Variants in CTDP1 observed in about 807,000 individuals in gnomAD.
CTDP1 encodes RNA polymerase II subunit A C-terminal domain phosphatase.
A neutral mutation model predicts 91.8 loss-of-function variants in CTDP1; 47 were observed. The ratio of observed to expected loss-of-function variants is 0.51; its 90% CI spans 0.41 to 0.65. The LOEUF (loss-of-function observed/expected upper bound fraction) is 0.65. Among genes scored for constraint, CTDP1 ranks in the 30% least tolerant of loss-of-function variants. The pLI, the probability that CTDP1 is intolerant of heterozygous loss-of-function variation, is 0.00. For missense variants in CTDP1, 1,272 were observed against 1,373.7 expected (o/e 0.93, Z 1.17); for synonymous variants, 656 against 598.5 (o/e 1.10, Z -1.40).
Position 79,723,947 on chromosome 18 carries a change from C to T in CTDP1, c.2418-4960C>T, listed in dbSNP as rs9963484. Among the ~76,000 whole-genome samples, 1,043 of 152,346 alleles carry T rather than the reference C, an allele frequency of 6.8e-3. 10 individuals are homozygous for T. Among genetic ancestry groups the T allele is most frequent in the African/African-American group, 0.022 (920 of 41,574 alleles). On this transcript the variant is annotated intron_variant, in intron 10 of 12. Coordinates refer to ENST00000613122, the MANE Select transcript of CTDP1 (RefSeq NM_004715.5). Reference sequence around the variant, plus strand: ...TCATTCATGTCCTTCTCTTGCGGAGCCGGGTCTCATGGTGTGTGGTGGAGC... The same window carrying T: ...TCATTCATGTCCTTCTCTTGCGGAGTCGGGTCTCATGGTGTGTGGTGGAGC...
At position 79,680,015 on chromosome 18, in the gene CTDP1, G is replaced by C; in HGVS notation, c.68G>C (p.Arg23Pro). Residue 23 changes from arginine to proline, a missense_variant, in exon 1 of 13, where the codon CGC becomes CCC. Arg to Pro is a moderately radical substitution (Grantham distance 103, BLOSUM62 -2). Transcript: ENST00000613122. Reference sequence around the variant, plus strand: ...CCGACGGCGGCTGTGGCCGAGGTGCGCTGCCCGGGGCCCGCGCCGCTGCGC... The same window carrying C: ...CCGACGGCGGCTGTGGCCGAGGTGCCCTGCCCGGGGCCCGCGCCGCTGCGC... ...GAPTAAVAEV[R>P]CPGPAPLRLL... is the part of the protein sequence containing the mutation. 1 of 1,284,706 alleles carries C rather than the reference G, an allele frequency of 7.8e-7. No homozygotes were observed. The highest frequency in any genetic ancestry group is 9.8e-7 in the Non-Finnish European group (1 of 1,019,296). 79.6% of individuals were successfully genotyped at this position (1,284,706 alleles called of 1,614,324 possible).
chr18:79,681,488 G>A (rs370036922), intron 1 of CTDP1: 5 of 985,316 alleles, frequency 5.1e-6, no homozygotes, highest in East Asian at 1.1e-4. Context: ...TCCTCTGATT[G>A]TACAGAAAGG....
At chr18:79,739,529 CA>C (rs2086733009) in intron 12 of CTDP1, among the ~76,000 whole-genome samples, 1 of 152,146 alleles carries the variant, frequency 6.6e-6, no homozygotes, top group Non-Finnish European at 1.5e-5. Context: ...ACCACACGAG[CA>C]TGATTAGAAA....
chr18:79,708,449 C>T (rs1326258653), intron 5 of CTDP1, among the ~76,000 whole-genome samples: 1 of 152,220 alleles, frequency 6.6e-6, no homozygotes, highest in African/African-American at 2.4e-5. Flanking sequence ...GGAGTGCAGT[C>T]AGGGCACGTT....
intron 7 of CTDP1, 130 bp from the exon 8 acceptor site, chr18:79,714,361 A>G: frequency 1.9e-6 from 2 of 1,034,396 alleles, no homozygotes; most frequent in Non-Finnish European, 1.5e-6. Flanking sequence ...CTTCACAGCA[A>G]GGTTGCCAAG....
At chr18:79,733,098 G>C (rs2086597629) in intron 11 of CTDP1, among the ~76,000 whole-genome samples, 1 of 152,242 alleles carries the variant, frequency 6.6e-6, no homozygotes, top group African/African-American at 2.4e-5. Flanking sequence ...ATAGCACTCA[G>C]TCCTCGTGCT....
intron 12 of CTDP1, among the ~76,000 whole-genome samples, chr18:79,747,048 A>G (rs1319445320): frequency 6.6e-6 from 1 of 152,238 alleles, no homozygotes; most frequent in Non-Finnish European, 1.5e-5. Context: ...GAATTTGGGT[A>G]CAAAGCTGCT....
In CTDP1 at chr18:79,718,021, G is replaced by A. The variant is rs778778837; in HGVS notation, c.2417+5G>A. 8.1e-6 allele frequency: 13 copies of A among 1,612,652 alleles called. No homozygotes were observed. Among genetic ancestry groups the A allele is most frequent in the East Asian group, 2.2e-5 (1 of 44,870 alleles). On this transcript the variant is annotated splice_donor_5th_base_variant and intron_variant, in intron 10 of 12. Transcript: ENST00000613122. ...CCAGGAGCCCTCTTCCTTCAGGTACGTGGCGGCCCAGCCACTGTCCCCAGC... is the reference window on the plus strand; with the variant it reads ...CCAGGAGCCCTCTTCCTTCAGGTACATGGCGGCCCAGCCACTGTCCCCAGC...
intron 1 of CTDP1, among the ~76,000 whole-genome samples, chr18:79,681,857 G>C (rs2085376181): frequency 6.6e-6 from 1 of 152,182 alleles, no homozygotes; most frequent in African/African-American, 2.4e-5. Flanking sequence ...GGTGCTGCCT[G>C]GAATTTGAGG....
At chr18:79,729,697 A>G (rs184050112) in intron 11 of CTDP1, among the ~76,000 whole-genome samples, 54 of 152,248 alleles carry the variant, frequency 3.5e-4, no homozygotes, top group Non-Finnish European at 6.0e-4. Flanking sequence ...CCGCCCCCTG[A>G]TAGAAGGTTC....
chr18:79,727,255 GAACAAC>G (rs891142556), intron 10 of CTDP1, among the ~76,000 whole-genome samples: 7 of 152,240 alleles, frequency 4.6e-5, no homozygotes, highest in African/African-American at 1.4e-4. Context: ...TTGGCCCTTT[GAACAAC>G]ACTGCTTTGG....
rs1367218174 is a variant in CTDP1, at chr18:79,697,991, G to A, written c.621+3G>A. The stretch of plus-strand genomic sequence containing the variant: ...ACTGTCAGCAGATGTCGAATAAAGT[G>A]AGTGCAGTCAGCATCTACGGACAGT... On this transcript the variant is annotated splice_donor_region_variant and intron_variant, in intron 4 of 12. Coordinates refer to ENST00000613122, the MANE Select transcript of CTDP1 (RefSeq NM_004715.5). 1.2e-6 allele frequency: 2 copies of A among 1,614,110 alleles called. No homozygotes were observed. Among genetic ancestry groups the A allele is most frequent in the Non-Finnish European group, 1.7e-6 (2 of 1,180,048 alleles).
At chr18:79,736,804 C>T (rs372383533) in intron 12 of CTDP1, among the ~76,000 whole-genome samples, 41 of 150,150 alleles carry the variant, frequency 2.7e-4, no homozygotes, top group East Asian at 2.4e-3. Context: ...CGTGCACAGG[C>T]GTGTGGTGGG....
chr18:79,698,137 G>A (rs914029516), intron 4 of CTDP1, 149 bp downstream of exon 4: 44 of 1,205,426 alleles, frequency 3.7e-5, no homozygotes, highest in Middle Eastern at 2.1e-4. Flanking sequence ...GGCGTGGGCC[G>A]TGTGTCTGCT....
chr18:79,690,275 G>T (rs1050614885), intron 1 of CTDP1, among the ~76,000 whole-genome samples: 2 of 152,180 alleles, frequency 1.3e-5, no homozygotes, highest in South Asian at 2.1e-4. Context: ...TCCCCTGAGA[G>T]AGCTGAGAGG....
chr18:79,714,377 G>A (rs1568193888), intron 7 of CTDP1, 114 bp from the exon 8 acceptor site: 4 of 1,248,748 alleles, frequency 3.2e-6, no homozygotes, highest in East Asian at 2.5e-5. Flanking sequence ...CCAAGGCCTG[G>A]TCTAGAGGGT....
intron 10 of CTDP1, among the ~76,000 whole-genome samples, chr18:79,718,309 G>A (rs908419854): frequency 6.6e-6 from 1 of 152,202 alleles, no homozygotes; most frequent in Admixed American, 6.5e-5. Context: ...AGAGCACTCG[G>A]TCCTGGGAAC....
At chr18:79,720,114 G>A (rs1467333558) in intron 10 of CTDP1, among the ~76,000 whole-genome samples, 1 of 147,320 alleles carries the variant, frequency 6.8e-6, no homozygotes, top group African/African-American at 2.5e-5. Context: ...CCATCATTAG[G>A]AAGGCATCCT....
intron 12 of CTDP1, among the ~76,000 whole-genome samples, chr18:79,749,604 T>A (rs1255828732): frequency 6.6e-6 from 1 of 151,892 alleles, no homozygotes; most frequent in African/African-American, 2.4e-5. Context: ...CAGTCATGAC[T>A]GCCCCCTCCC....
Sources: gnomAD v4.1 joint callset for allele counts (sites outside exome capture counted in the v4.1 genomes callset) on GRCh38, gnomAD v4.1.1 for gene constraint, MANE v1.5 for transcripts, NCBI Gene and HGNC (gene_info 2026-07-23, HGNC 2026-07-21) for gene names.